KCNMB2: variants seen among roughly 807,000 people sequenced by gnomAD.
KCNMB2 encodes the protein potassium calcium-activated channel subfamily M regulatory beta subunit 2.
Under a neutral mutation model 24.5 loss-of-function variants are expected in KCNMB2, and 9 were observed. The observed-to-expected ratio is 0.37, with a 90% confidence interval of 0.22 to 0.64. KCNMB2 has a LOEUF of 0.64. Ranked by LOEUF, KCNMB2 falls within the 30% of genes least tolerant of loss-of-function variation. KCNMB2 has a pLI of 0.63. For missense variants in KCNMB2, 226 were observed against 284.3 expected, an observed-to-expected ratio of 0.79 and a Z score of 1.47; for synonymous variants, 109 against 104.4, an observed-to-expected ratio of 1.04 and a Z score of -0.27.
chr3:178,712,885 G>C (rs1722500084), intron 1 of KCNMB2, among the ~76,000 whole-genome samples: 1 of 152,094 alleles, frequency 6.6e-6, no homozygotes, highest in African/African-American at 2.4e-5. Flanking sequence ...GGGAATACTA[G>C]GTATTACACA....
intron 1 of KCNMB2, among the ~76,000 whole-genome samples, chr3:178,687,708 A>T (rs570453282): frequency 1.3e-5 from 2 of 152,172 alleles, no homozygotes; most frequent in African/African-American, 4.8e-5. Flanking sequence ...CAGCCAAGAG[A>T]AAGTACTAGG....
chr3:178,654,802 A>C (rs1246395289), intron 1 of KCNMB2, among the ~76,000 whole-genome samples: 1 of 152,134 alleles, frequency 6.6e-6, no homozygotes, highest in East Asian at 1.9e-4. Context: ...GTTCTTATTG[A>C]AAAATGGTAT....
intron 1 of KCNMB2, among the ~76,000 whole-genome samples, chr3:178,578,460 A>G (rs1160799945): frequency 6.6e-6 from 1 of 152,176 alleles, no homozygotes; most frequent in Non-Finnish European, 1.5e-5. Flanking sequence ...CTATAAAGAA[A>G]CTGCATCAAC....
rs181391265 is a variant in KCNMB2 at position 178,811,936 on chromosome 3, G to A, written c.56+4471G>A. On this transcript the variant is annotated intron_variant, in intron 2 of 4. Transcript: ENST00000452583. ...TGAGATTGAGTATATTTCCTTAGTCGTTTTTTCTGAGTTGACTGTTTAAAT... is the reference window on the plus strand; with the variant it reads ...TGAGATTGAGTATATTTCCTTAGTCATTTTTTCTGAGTTGACTGTTTAAAT... Among the ~76,000 whole-genome samples, 572 of 152,020 alleles carry A rather than the reference G, an allele frequency of 3.8e-3. 4 individuals carry two copies. The highest frequency in any genetic ancestry group is 0.013 in the African/African-American group (532 of 41,462).
chr3:178,777,011 T>C (rs993138027), intron 1 of KCNMB2, among the ~76,000 whole-genome samples: 1 of 152,128 alleles, frequency 6.6e-6, no homozygotes, highest in African/African-American at 2.4e-5. Context: ...TAAATGTTAA[T>C]ATTGTAATGC....
intron 1 of KCNMB2, among the ~76,000 whole-genome samples, chr3:178,750,288 G>GTT (rs1478599860): frequency 6.6e-6 from 1 of 151,810 alleles, no homozygotes; most frequent in African/African-American, 2.4e-5. Flanking sequence ...AGGAAGTAAA[G>GTT]TTTTGACTTT....
chr3:178,600,637 G>A (rs2108507290), intron 1 of KCNMB2, among the ~76,000 whole-genome samples: 1 of 152,266 alleles, frequency 6.6e-6, no homozygotes, highest in Non-Finnish European at 1.5e-5. Context: ...GGAAAGGGAG[G>A]ATGGGGACTT....
chr3:178,728,716 G>A (rs1723047132), intron 1 of KCNMB2, among the ~76,000 whole-genome samples: 1 of 152,100 alleles, frequency 6.6e-6, no homozygotes, highest in African/African-American at 2.4e-5. Context: ...TCCATCCAGA[G>A]TTACAATTAT....
intron 1 of KCNMB2, among the ~76,000 whole-genome samples, chr3:178,589,474 T>TTTG (rs1390610037): frequency 2.6e-5 from 4 of 152,178 alleles, no homozygotes; most frequent in Middle Eastern, 3.4e-3. Context: ...TTGTGTTTTT[T>TTTG]TTGTTGTTGT....
Position 178,668,921 on chromosome 3 carries a change from C to G in KCNMB2, c.-68+132210C>G, listed in dbSNP as rs28479628. Among the ~76,000 whole-genome samples the G allele has an allele frequency of 5.1e-3, 781 of 152,264 alleles. 1 individual carries two copies. The highest frequency in any genetic ancestry group is 0.018 in the African/African-American group (741 of 41,548). On this transcript the variant is annotated intron_variant, in intron 1 of 4. Transcript: ENST00000452583. ...GATCAAATCACAGGGACAGACAGTT[C>G]ATCTTTCCTTCAGTAATGAAGCTCT... is the stretch of plus-strand genomic sequence containing the variant.
intron 4 of KCNMB2, among the ~76,000 whole-genome samples, chr3:178,838,449 T>C (rs539119931): frequency 1.3e-5 from 2 of 152,210 alleles, no homozygotes; most frequent in South Asian, 4.2e-4. Flanking sequence ...CAGACCTTGC[T>C]ACAAGAACAG....
intron 1 of KCNMB2, among the ~76,000 whole-genome samples, chr3:178,643,415 G>A (rs1249821046): frequency 6.6e-6 from 1 of 152,152 alleles, no homozygotes; most frequent in Non-Finnish European, 1.5e-5. Context: ...ATACATGCAT[G>A]TATAACTGCT....
intron 1 of KCNMB2, among the ~76,000 whole-genome samples, chr3:178,767,651 T>G (rs1047797611): frequency 2.0e-5 from 3 of 152,242 alleles, no homozygotes; most frequent in African/African-American, 7.2e-5. Context: ...AAACTCATTT[T>G]ATAAGGAGAT....
At chr3:178,817,526 G>C (rs540845011) in intron 2 of KCNMB2, among the ~76,000 whole-genome samples, 2 of 152,200 alleles carry the variant, frequency 1.3e-5, no homozygotes, top group African/African-American at 4.8e-5. Flanking sequence ...GTGTGTTCTC[G>C]TGGGGCAGAG....
At chr3:178,655,095 C>CTCTCTCTCT (rs1720276228) in intron 1 of KCNMB2, among the ~76,000 whole-genome samples, 2 of 111,086 alleles carry the variant, frequency 1.8e-5, no homozygotes, top group African/African-American at 7.0e-5. Flanking sequence ...ATTAGCTCTC[C>CTCTCTCTCT]CTCTCTCTCT....
At chr3:178,834,262 T>G (rs986385105) in intron 4 of KCNMB2, among the ~76,000 whole-genome samples, 1 of 152,154 alleles carries the variant, frequency 6.6e-6, no homozygotes, top group Non-Finnish European at 1.5e-5. Context: ...ATAATGAAGG[T>G]GAGCTCAGAA....
intron 3 of KCNMB2, among the ~76,000 whole-genome samples, chr3:178,827,385 G>A (rs774084882): frequency 4.0e-4 from 61 of 152,260 alleles, no homozygotes; most frequent in Admixed American, 2.1e-3. Context: ...AATAGAATGA[G>A]CCTGGGCCTT....
intron 1 of KCNMB2, among the ~76,000 whole-genome samples, chr3:178,767,644 C>A (rs950020303): frequency 1.3e-5 from 2 of 152,180 alleles, no homozygotes; most frequent in African/African-American, 2.4e-5. Context: ...AAGGTAGAAA[C>A]TCATTTTATA....
chr3:178,713,752 A>G (rs888287013), intron 1 of KCNMB2, among the ~76,000 whole-genome samples: 4 of 152,148 alleles, frequency 2.6e-5, no homozygotes, highest in African/African-American at 4.8e-5. Flanking sequence ...ACACAAAGCC[A>G]CCTTCACATG....
Sources: allele counts gnomAD v4.1 joint callset (sites outside exome capture counted in the v4.1 genomes callset), GRCh38; gene constraint gnomAD v4.1.1; transcripts MANE v1.5; gene names NCBI Gene and HGNC (gene_info 2026-07-23, HGNC 2026-07-21).